The following SLCO1B3 variants were observed in gnomAD, a reference collection of about 807,000 sequenced individuals.
SLCO1B3 encodes the protein solute carrier organic anion transporter family member 1B3.
SLCO1B3 carries 72 observed loss-of-function variants against 71.8 expected under a neutral mutation model. The observed-to-expected ratio is 1.00, with a 90% CI of 0.83 to 1.22. The LOEUF (loss-of-function observed/expected upper bound fraction) is 1.22. Ranked by LOEUF, SLCO1B3 falls within the 50% of genes most tolerant of loss-of-function variation. SLCO1B3 has a pLI of 0.00. For synonymous variants in SLCO1B3, 298 were observed against 278.4 expected (o/e 1.07, Z -0.70); for missense variants, 911 against 819.7 (o/e 1.11, Z -1.36).
intron 4 of SLCO1B3, among the ~76,000 whole-genome samples, chr12:20,855,574 A>T (rs964024833): frequency 3.3e-5 from 5 of 151,792 alleles, no homozygotes; most frequent in African/African-American, 1.2e-4. Flanking sequence ...GATAATTCTT[A>T]TGGTTTTAGG....
At chr12:20,828,792 A>G (rs757308627) in intron 3 of SLCO1B3, among the ~76,000 whole-genome samples, 11 of 152,132 alleles carry the variant, frequency 7.2e-5, no homozygotes, top group Admixed American at 2.6e-4. Context: ...CAAAAGTAAC[A>G]CAACTATCAA....
rs550311840 is a variant in SLCO1B3, at chr12:20,848,004, A to G, written c.85-7024A>G. ...ATAATACAGAATCTTGGAAGCAGCTAGAATGGGAATCATCATGTACAAGTG... is the reference window on the plus strand; with the variant it reads ...ATAATACAGAATCTTGGAAGCAGCTGGAATGGGAATCATCATGTACAAGTG... On this transcript the variant is annotated intron_variant, in intron 3 of 15. Coordinates refer to ENST00000381545, the MANE Select transcript of SLCO1B3 (RefSeq NM_019844.4). 2.0e-5 allele frequency among the ~76,000 whole-genome samples: 3 copies of G among 152,260 alleles called. No individual in the cohort carries two copies. The South Asian group carries it at 6.2e-4, about 32-fold the overall frequency.
intron 3 of SLCO1B3, among the ~76,000 whole-genome samples, chr12:20,828,758 A>G (rs1319771711): frequency 1.3e-5 from 2 of 152,094 alleles, no homozygotes; most frequent in African/African-American, 4.8e-5. Flanking sequence ...ACCATATTTT[A>G]GCTGTGACAA....
At chr12:20,872,456 C>T (rs1865493247) in intron 8 of SLCO1B3, among the ~76,000 whole-genome samples, 1 of 151,946 alleles carries the variant, frequency 6.6e-6, no homozygotes, top group African/African-American at 2.4e-5. Flanking sequence ...AGGTGCAAGA[C>T]AAAGTCGCCT....
intron 4 of SLCO1B3, 113 bp from the exon 5 acceptor site, chr12:20,858,326 C>A (rs1411898712): frequency 2.8e-6 from 2 of 714,844 alleles, no homozygotes; most frequent in African/African-American, 1.8e-5. Flanking sequence ...ATTACATGGT[C>A]TTTGAGGGAA....
intron 3 of SLCO1B3, among the ~76,000 whole-genome samples, chr12:20,817,176 C>G (rs1195712447): frequency 6.6e-6 from 1 of 152,040 alleles, no homozygotes; most frequent in African/African-American, 2.4e-5. Flanking sequence ...TTGATTGTAT[C>G]CTTTTCTATG....
chr12:20,910,683 A>T (rs1866354581), intron 15 of SLCO1B3, among the ~76,000 whole-genome samples: 1 of 152,116 alleles, frequency 6.6e-6, no homozygotes, highest in Non-Finnish European at 1.5e-5. Context: ...TATTTTGCTA[A>T]ATTTATACCC....
At chr12:20,813,375 T>G (rs577252764) in intron 1 of SLCO1B3, 149 bp from the exon 2 acceptor site, 2 of 152,324 alleles carry the variant, frequency 1.3e-5, no homozygotes, top group East Asian at 3.9e-4. Flanking sequence ...GCTGGGCTTT[T>G]GTGATCATTG....
chr12:20,890,838 T>A (rs1157736099), intron 13 of SLCO1B3, among the ~76,000 whole-genome samples: 1 of 152,200 alleles, frequency 6.6e-6, no homozygotes, highest in Non-Finnish European at 1.5e-5. Flanking sequence ...ACTACTGCTC[T>A]GATTTGGTTT....
intron 3 of SLCO1B3, chr12:20,845,027 CAAAAAAAAA>C: frequency 3.7e-5 from 7 of 189,442 alleles, no homozygotes; most frequent in East Asian, 1.7e-4. Flanking sequence ...AAGACTGTCT[CAAAAAAAAA>C]AAAAAAAAAA....
chr12:20,906,395 C>T lies in SLCO1B3; in HGVS notation c.1865+4928C>T, dbSNP rs145984980. Reference sequence around the variant, plus strand: ...ACAAGGAATTTTTAGGGCAGTGAAACTATTCTATATGATATTGTAATATTG... The same window carrying T: ...ACAAGGAATTTTTAGGGCAGTGAAATTATTCTATATGATATTGTAATATTG... On this transcript the variant is annotated intron_variant, in intron 15 of 15. Coordinates refer to ENST00000381545, the MANE Select transcript of SLCO1B3 (RefSeq NM_019844.4). Among the ~76,000 whole-genome samples the T allele has an allele frequency of 9.5e-3, 1,448 of 152,246 alleles. 9 individuals carry two copies. The highest frequency in any genetic ancestry group is 0.016 in the Non-Finnish European group (1,110 of 68,012).
Position 20,862,445 on chromosome 12 carries a change from T to A in SLCO1B3, c.515T>A (p.Ile172Asn). The A allele has an allele frequency of 6.2e-7, 1 of 1,613,134 alleles. No individual in the cohort carries two copies. The highest frequency in any genetic ancestry group is 8.5e-7 in the Non-Finnish European group (1 of 1,179,392). Residue 172 changes from isoleucine to asparagine, a missense_variant, in exon 7 of 16, where the codon ATC becomes AAC. Physicochemically the swap from Ile to Asn is moderately radical, Grantham distance 149 (BLOSUM62 -3). Transcript: ENST00000381545. ...AAGGAATCTGGGTCACACATGTGGA[T>A]CTATGTCTTCATGGGGAATATGCTT... is the stretch of plus-strand genomic sequence containing the variant. ...CVKESGSHMW[I>N]YVFMGNMLRG...
chr12:20,822,355 A>AG (rs1450005960), intron 3 of SLCO1B3, among the ~76,000 whole-genome samples: 2 of 146,862 alleles, frequency 1.4e-5, no homozygotes, highest in African/African-American at 5.0e-5. Flanking sequence ...TTACAGTCAA[A>AG]GGGGGTTGTT....
At chr12:20,819,379 T>G (rs1352611364) in intron 3 of SLCO1B3, among the ~76,000 whole-genome samples, 1 of 152,154 alleles carries the variant, frequency 6.6e-6, no homozygotes, top group Admixed American at 6.5e-5. Flanking sequence ...CTGTGAAGCC[T>G]TGTGGCAGTG....
chr12:20,861,210 ATTC>A, intron 6 of SLCO1B3, 72 bp downstream of exon 6: 3 of 1,319,700 alleles, frequency 2.3e-6, no homozygotes, highest in Non-Finnish European at 3.1e-6. Context: ...AGTTTCTGAT[ATTC>A]TTTAACAAAA....
In SLCO1B3 at chr12:20,877,845, A is replaced by G. The variant is rs1191902911; in HGVS notation, c.1044A>G (p.Gln348=). 3.2e-6 allele frequency: 5 copies of G among 1,586,008 alleles called. No individual in the cohort carries two copies. The African/African-American group carries it at 6.8e-5, about 22-fold the overall frequency. The change falls in exon 10 of 16, where the codon CAA becomes CAG. Residue 348 remains glutamine, a synonymous_variant. Transcript: ENST00000381545. ...YVIFLLLTLL[Q]VSSFIGSFTY... ...TATTTCTGCTTTTGACATTGTTACA[A>G]GTAAGCAGCTTTATTGGTTCTTTTA...
At chr12:20,819,022 A>G (rs552225959) in intron 3 of SLCO1B3, among the ~76,000 whole-genome samples, 2 of 152,360 alleles carry the variant, frequency 1.3e-5, no homozygotes, top group South Asian at 2.1e-4. Flanking sequence ...GGAAGTTATG[A>G]GAAATGTAGA....
intron 15 of SLCO1B3, among the ~76,000 whole-genome samples, chr12:20,910,247 CA>C (rs1315910483): frequency 5.3e-5 from 8 of 152,142 alleles, no homozygotes; most frequent in Non-Finnish European, 1.5e-5. Context: ...TGTTTTTCTA[CA>C]GATCCATTGA....
Position 20,829,172 on chromosome 12 carries a change from A to G in SLCO1B3, c.84+13350A>G, listed in dbSNP as rs1030087728. Among the ~76,000 whole-genome samples, 90 of 152,348 alleles carry G rather than the reference A, an allele frequency of 5.9e-4. 1 individual carries two copies. The highest frequency in any genetic ancestry group is 3.2e-4 in the Non-Finnish European group (22 of 68,030). On this transcript the variant is annotated intron_variant, in intron 3 of 15. Transcript: ENST00000381545. ...ACCAGTTAAGTCAAACAAACAGACA[A>G]TTGTACAATTTATAGGATCGCTGAG...
Sources: allele counts gnomAD v4.1 joint callset (sites outside exome capture counted in the v4.1 genomes callset), GRCh38; gene constraint gnomAD v4.1.1; transcripts MANE v1.5; gene names NCBI Gene and HGNC (gene_info 2026-07-23, HGNC 2026-07-21).